The following FOXL2NB variants were observed in gnomAD, a reference collection of about 807,000 sequenced individuals.
FOXL2NB encodes the protein FOXL2 neighbor.
In FOXL2NB, 10 loss-of-function variants were observed where a neutral mutation model predicts 7.4. The ratio of observed to expected loss-of-function variants is 1.34; its 90% CI spans 0.83 to 2.28. FOXL2NB has a LOEUF of 2.28. FOXL2NB is among the 30% of genes most tolerant of loss of function. The pLI, the probability that FOXL2NB is intolerant of heterozygous loss-of-function variation, is 0.00. For synonymous variants in FOXL2NB, 104 were observed against 105.3 expected (o/e 0.99, Z 0.08); for missense variants, 228 against 233.9 (o/e 0.97, Z 0.17).
Position 138,949,880 on chromosome 3 carries a change from C to T in FOXL2NB, c.220+241C>T, listed in dbSNP as rs539321668. On this transcript the variant is annotated intron_variant, in intron 2 of 2. Transcript: ENST00000383165. This position sits in a 1 kb window ranked among gnomAD's most constrained non-coding sequence, Gnocchi z 4.5. ...TGGTTGCTGGCGAGGTCGGGATCCT[C>T]TCTGAACAGGGCATACTGTGCCTAG... is the stretch of plus-strand genomic sequence containing the variant. 1.4e-6 allele frequency: 1 copy of T among 700,228 alleles called. No homozygotes were observed. Among genetic ancestry groups the T allele is most frequent in the African/African-American group, 1.7e-5 (1 of 57,292 alleles). The allele number at this position is 700,228 out of a possible 1,614,324, so 43.4% of individuals were successfully genotyped here. A position where few individuals can be genotyped will look rare whatever the true frequency, so the allele number is the denominator to read the frequency against.
At position 138,949,111 on chromosome 3, in the gene FOXL2NB, T is replaced by A. The variant is rs1936059711; in HGVS notation, c.101-409T>A. Among the ~76,000 whole-genome samples, 1 of 151,946 alleles carries A rather than the reference T, an allele frequency of 6.6e-6. No individual in the cohort carries two copies. The highest frequency in any genetic ancestry group is 1.5e-5 in the Non-Finnish European group (1 of 67,988). On this transcript the variant is annotated intron_variant, in intron 1 of 2. Coordinates refer to ENST00000383165, the MANE Select transcript of FOXL2NB (RefSeq NM_001040061.3). The surrounding 1 kb of genome is among the most constrained non-coding windows in gnomAD (Gnocchi z 4.5). ...TGCTGCAGATTGGCCTCAGTGCCTA[T>A]CCTCCCCCAGCCAGGGCCTGGGCAG...
rs775621751 is a variant in FOXL2NB, at chr3:138,950,413, G to GA, written c.371dup (p.Asn124LysfsTer22). ...CGTCCCGCGCCGCCGCCGGCTGCCT[G>GA]AACCAGGTTCCGCTGTCCCCTTTCC... On this transcript the variant is annotated frameshift_variant, in exon 3 of 3. Coordinates refer to ENST00000383165, the MANE Select transcript of FOXL2NB (RefSeq NM_001040061.3). LOFTEE classifies it low-confidence loss of function (END_TRUNC). 2 of 1,613,716 alleles carry GA rather than the reference G, an allele frequency of 1.2e-6. No homozygotes were observed. The highest frequency in any genetic ancestry group is 2.2e-5 in the South Asian group (2 of 91,084).
Position 138,950,500 on chromosome 3 carries a change from T to G in FOXL2NB, c.456T>G (p.Ala152=), listed in dbSNP as rs2107748770. The part of the protein sequence containing the change: ...PAPERERIEL[A]ATLCLEGWPL... The stretch of plus-strand genomic sequence containing the variant: ...CTGAGCGGGAGAGAATAGAGCTTGC[T>G]GCAACCCTCTGCTTGGAGGGATGGC... The change falls in exon 3 of 3, where the codon GCT becomes GCG. Residue 152 remains alanine (A), a synonymous_variant. Transcript: ENST00000383165. The G allele has an allele frequency of 6.2e-7, 1 of 1,614,222 alleles. No individual in the cohort carries two copies. The highest frequency in any genetic ancestry group is 2.2e-5 in the East Asian group (1 of 44,874).
At chr3:138,948,879 C>G (rs1380375777) in intron 1 of FOXL2NB, among the ~76,000 whole-genome samples, 1 of 152,214 alleles carries the variant, frequency 6.6e-6, no homozygotes, top group East Asian at 1.9e-4. Flanking sequence ...TGCCTGGTCA[C>G]AAGGATGAGA....
Position 138,950,842 on chromosome 3 carries a change from C to T in FOXL2NB, c.*270C>T, listed in dbSNP as rs1576473177. The T allele has an allele frequency of 1.8e-4, 87 of 490,318 alleles. No individual in the cohort carries two copies. In the East Asian group the frequency reaches 3.4e-3, roughly 19 times the overall value. 30.4% of individuals were successfully genotyped at this position (490,318 alleles called of 1,614,324 possible). ...AAAACATGTCAAGCCAATGTGCAGACCCTAAGGCTTTTCACACGCTGCTCA... is the reference window on the plus strand; with the variant it reads ...AAAACATGTCAAGCCAATGTGCAGATCCTAAGGCTTTTCACACGCTGCTCA... On this transcript the variant is annotated 3_prime_UTR_variant, in exon 3 of 3. Coordinates refer to ENST00000383165, the MANE Select transcript of FOXL2NB (RefSeq NM_001040061.3).
intron 2 of FOXL2NB, 139 bp from the exon 3 acceptor site, chr3:138,950,126 G>C (rs1306086911): frequency 1.1e-6 from 1 of 928,408 alleles, no homozygotes; most frequent in South Asian, 1.4e-5. Context: ...CGCCGCCTGC[G>C]GATACGGTTC....
Position 138,949,014 on chromosome 3 carries a change from A to C in FOXL2NB, c.101-506A>C, listed in dbSNP as rs1462312503. Among the ~76,000 whole-genome samples the C allele has an allele frequency of 1.3e-5, 2 of 152,160 alleles. No individual in the cohort carries two copies. The highest frequency in any genetic ancestry group is 2.9e-5 in the Non-Finnish European group (2 of 68,020). On this transcript the variant is annotated intron_variant, in intron 1 of 2. Coordinates refer to ENST00000383165, the MANE Select transcript of FOXL2NB (RefSeq NM_001040061.3). The surrounding 1 kb of genome is among the most constrained non-coding windows in gnomAD (Gnocchi z 4.5). ...GCTGCTGCTTTCTGAGCAGGAGTGC[A>C]GATGTTTTTCTTCTTCCTTACCCCC...
At position 138,949,179 on chromosome 3, in the gene FOXL2NB, C is replaced by T. The variant is rs1936062465; in HGVS notation, c.101-341C>T. 6.6e-6 allele frequency among the ~76,000 whole-genome samples: 1 copy of T among 151,802 alleles called. No homozygotes were observed. Among genetic ancestry groups the T allele is most frequent in the Non-Finnish European group, 1.5e-5 (1 of 67,918 alleles). Reference sequence around the variant, plus strand: ...TCTGGCCCCATCCTGGTGGGGGCTCCTCTCTCCTTTTCTCTCCTTTTTTTT... The same window carrying T: ...TCTGGCCCCATCCTGGTGGGGGCTCTTCTCTCCTTTTCTCTCCTTTTTTTT... On this transcript the variant is annotated intron_variant, in intron 1 of 2. Transcript: ENST00000383165. This position sits in a 1 kb window ranked among gnomAD's most constrained non-coding sequence, Gnocchi z 4.5.
chr3:138,950,470 C>T lies in FOXL2NB; in HGVS notation c.426C>T (p.Pro142=). 1 of 1,614,150 alleles carries T rather than the reference C, an allele frequency of 6.2e-7. No homozygotes were observed. Among genetic ancestry groups the T allele is most frequent in the Non-Finnish European group, 8.5e-7 (1 of 1,180,046 alleles). Residue 142 remains proline, a synonymous_variant, in exon 3 of 3, where the codon CCC becomes CCT. Transcript: ENST00000383165. ...LAGPRNTRRL[P]APERERIELA... is the part of the protein sequence containing the mutation. Reference sequence around the variant, plus strand: ...GACCCCGAAACACCCGGCGGCTTCCCGCTCCTGAGCGGGAGAGAATAGAGC... The same window carrying T: ...GACCCCGAAACACCCGGCGGCTTCCTGCTCCTGAGCGGGAGAGAATAGAGC...
At position 138,949,586 on chromosome 3, in the gene FOXL2NB, T is replaced by C. The variant is rs759887316; in HGVS notation, c.167T>C (p.Leu56Pro). Residue 56 changes from leucine to proline, a missense_variant, in exon 2 of 3, where the codon CTC becomes CCC. Transcript: ENST00000383165. This position sits in a 1 kb window ranked among gnomAD's most constrained non-coding sequence, Gnocchi z 4.5. ...ACCCTGGGAAGGGCTGGAATCGGTC[T>C]CCCCAAGATGTGCCTTCACATGGCT... ...ACTLGRAGIG[L>P]PKMCLHMAVR... The C allele has an allele frequency of 1.2e-6, 2 of 1,613,680 alleles. No individual in the cohort carries two copies. Among genetic ancestry groups the C allele is most frequent in the Non-Finnish European group, 1.7e-6 (2 of 1,179,628 alleles).
chr3:138,947,464 G>A lies in FOXL2NB; in HGVS notation c.100G>A (p.Glu34Lys). Reference sequence around the variant, plus strand: ...GCTCCAAGCCTCCTCGCGGCTTTCAGGTGAAAGAAAACGACTCCTTTGCTC... The same window carrying A: ...GCTCCAAGCCTCCTCGCGGCTTTCAAGTGAAAGAAAACGACTCCTTTGCTC... ...KALQASSRLSESPALVKKRMP... is the reference protein window; with the variant it reads ...KALQASSRLSKSPALVKKRMP... The change falls in exon 1 of 3, where the codon GAA becomes AAA. Residue 34 changes from glutamate to lysine, a missense_variant and splice_region_variant. Coordinates refer to ENST00000383165, the MANE Select transcript of FOXL2NB (RefSeq NM_001040061.3). The surrounding 1 kb of genome is among the most constrained non-coding windows in gnomAD (Gnocchi z 5.2). 1 of 1,540,938 alleles carries A rather than the reference G, an allele frequency of 6.5e-7. No individual in the cohort carries two copies.
rs745380004 is a variant in FOXL2NB at position 138,950,271 on chromosome 3, G to A, written c.227G>A (p.Gly76Glu). Residue 76 changes from glycine (G) to glutamate (E), a missense_variant, in exon 3 of 3, where the codon GGA becomes GAA. Physicochemically the swap from Gly to Glu is moderately conservative, Grantham distance 98 (BLOSUM62 -2). Transcript: ENST00000383165. ...RHSKAQKTGP[G>E]ILQQRQKPPA... ...CAGACGCTTTTCTCCCCAGGGCCGG[G>A]AATCCTGCAACAGCGGCAGAAGCCG... 2 of 1,603,828 alleles carry A rather than the reference G, an allele frequency of 1.2e-6. No individual in the cohort carries two copies. Among genetic ancestry groups the A allele is most frequent in the African/African-American group, 1.3e-5 (1 of 74,184 alleles).
intron 2 of FOXL2NB, 114 bp from the exon 3 acceptor site, chr3:138,950,151 T>G: frequency 8.8e-7 from 1 of 1,141,840 alleles, no homozygotes; most frequent in Non-Finnish European, 1.3e-6. Context: ...GAACCGCCGA[T>G]TGAGCGCAGT....
rs995393907 is a variant in FOXL2NB at position 138,950,776 on chromosome 3, C to G, written c.*204C>G. The G allele has an allele frequency of 1.2e-4, 71 of 598,578 alleles. No homozygotes were observed. In the South Asian group the frequency reaches 1.5e-3, roughly 13 times the overall value. The allele number at this position is 598,578 out of a possible 1,614,324, so 37.1% of individuals were successfully genotyped here. A position where few individuals can be genotyped will look rare whatever the true frequency, so the allele number is the denominator to read the frequency against. ...TCCCCTCCTACTTCTCTCACACTCA[C>G]CAGCTACACGTACTAATTCAGATTT... is the stretch of plus-strand genomic sequence containing the variant. On this transcript the variant is annotated 3_prime_UTR_variant, in exon 3 of 3. Transcript: ENST00000383165.
In FOXL2NB at chr3:138,950,680, C is replaced by G; in HGVS notation, c.*108C>G. ...CTCAGGGACTCGGTGTCCCTCCACT[C>G]AGGTCACGTTACTCCATCCACTTCT... is the stretch of plus-strand genomic sequence containing the variant. On this transcript the variant is annotated 3_prime_UTR_variant, in exon 3 of 3. Transcript: ENST00000383165. 6 of 1,179,642 alleles carry G rather than the reference C, an allele frequency of 5.1e-6. No homozygotes were observed. The highest frequency in any genetic ancestry group is 2.1e-5 in the Admixed American group (1 of 47,052). The allele number at this position is 1,179,642 out of a possible 1,614,324, so 73.1% of individuals were successfully genotyped here. A position where few individuals can be genotyped will look rare whatever the true frequency, so the allele number is the denominator to read the frequency against.
chr3:138,947,685 A>T lies in FOXL2NB; in HGVS notation c.100+221A>T. 7.5e-7 allele frequency: 1 copy of T among 1,328,810 alleles called. No homozygotes were observed. Among genetic ancestry groups the T allele is most frequent in the South Asian group, 1.9e-5 (1 of 51,506 alleles). 82.3% of individuals were successfully genotyped at this position (1,328,810 alleles called of 1,614,324 possible). ...GCGCTCTCAGAGTGACTGGGCTGGA[A>T]TGGGGCAGGGGAGAGGATCTCTGGA... On this transcript the variant is annotated intron_variant, in intron 1 of 2. Transcript: ENST00000383165. This position sits in a 1 kb window ranked among gnomAD's most constrained non-coding sequence, Gnocchi z 5.2.
chr3:138,947,565 G>T lies in FOXL2NB; in HGVS notation c.100+101G>T. 6.8e-7 allele frequency: 1 copy of T among 1,459,868 alleles called. No homozygotes were observed. The allele number at this position is 1,459,868 out of a possible 1,614,324, so 90.4% of individuals were successfully genotyped here. A position where few individuals can be genotyped will look rare whatever the true frequency, so the allele number is the denominator to read the frequency against. ...GGGCGAGACGGCGAGGGGGCTGGACGGGGTAGGGTGGGGAGAGCTGCTCTG... is the reference window on the plus strand; with the variant it reads ...GGGCGAGACGGCGAGGGGGCTGGACTGGGTAGGGTGGGGAGAGCTGCTCTG... On this transcript the variant is annotated intron_variant, in intron 1 of 2. Coordinates refer to ENST00000383165, the MANE Select transcript of FOXL2NB (RefSeq NM_001040061.3). The surrounding 1 kb of genome is among the most constrained non-coding windows in gnomAD (Gnocchi z 5.2).
chr3:138,947,272 C>T lies in FOXL2NB; in HGVS notation c.-93C>T, dbSNP rs527874109. 4 of 1,008,784 alleles carry T rather than the reference C, an allele frequency of 4.0e-6. No homozygotes were observed. Among genetic ancestry groups the T allele is most frequent in the South Asian group, 2.9e-5 (2 of 69,398 alleles). 62.5% of individuals were successfully genotyped at this position (1,008,784 alleles called of 1,614,324 possible). On this transcript the variant is annotated 5_prime_UTR_variant, in exon 1 of 3. Coordinates refer to ENST00000383165, the MANE Select transcript of FOXL2NB (RefSeq NM_001040061.3). The surrounding 1 kb of genome is among the most constrained non-coding windows in gnomAD (Gnocchi z 5.2). ...GCCCCGCACAGCCTGGACCGGCCTG[C>T]CCCCGCCCAGCGAGCCTCAGGGGCC...
In FOXL2NB at chr3:138,950,389, G is replaced by A. The variant is rs769531270; in HGVS notation, c.345G>A (p.Ser115=). ...AGSASLEPLS[S]SRAAAGCLNQ... is the part of the protein sequence containing the mutation. The stretch of plus-strand genomic sequence containing the variant: ...GCGCTTCGCTAGAACCACTCAGCTC[G>A]TCCCGCGCCGCCGCCGGCTGCCTGA... The change falls in exon 3 of 3, where the codon TCG becomes TCA. Residue 115 remains serine, a synonymous_variant. Coordinates refer to ENST00000383165, the MANE Select transcript of FOXL2NB (RefSeq NM_001040061.3). 1.1e-5 allele frequency: 18 copies of A among 1,613,006 alleles called. No homozygotes were observed. The African/African-American group carries it at 2.4e-4, about 22-fold the overall frequency.
Sources: gnomAD v4.1 joint callset for allele counts (sites outside exome capture counted in the v4.1 genomes callset) on GRCh38, gnomAD v4.1.1 for gene constraint, Gnocchi (gnomAD v3.1) non-coding constraint, MANE v1.5 for transcripts, NCBI Gene and HGNC (gene_info 2026-07-23, HGNC 2026-07-21) for gene names.